The following CCDC191 variants were observed in gnomAD, a reference collection of about 807,000 sequenced individuals.
CCDC191 encodes coiled-coil domain-containing protein 191.
Under a neutral mutation model 114.0 loss-of-function variants are expected in CCDC191, and 99 were observed. The ratio of observed to expected loss-of-function variants is 0.87; its 90% confidence interval spans 0.74 to 1.03. The LOEUF (loss-of-function observed/expected upper bound fraction) is 1.03. Ranked by LOEUF, CCDC191 falls within the 50% of genes least tolerant of loss-of-function variation. CCDC191 has a pLI of 0.00. For missense variants in CCDC191, 973 were observed against 1,087.0 expected (o/e 0.90, Z 1.47); for synonymous variants, 351 against 376.0 (o/e 0.93, Z 0.77).
intron 9 of CCDC191, among the ~76,000 whole-genome samples, chr3:114,010,071 G>A (rs2076042835): frequency 1.3e-5 from 2 of 152,124 alleles, no homozygotes; most frequent in South Asian, 4.1e-4. Context: ...AGAAGTGTAT[G>A]TAATGACAGA....
chr3:114,051,758 A>G (rs749942114), intron 2 of CCDC191, among the ~76,000 whole-genome samples: 3 of 152,164 alleles, frequency 2.0e-5, no homozygotes, highest in African/African-American at 7.2e-5. Context: ...GGTCCACTCA[A>G]GTGGACTTTG....
At chr3:114,050,787 T>G (rs1054497529) in intron 2 of CCDC191, among the ~76,000 whole-genome samples, 27 of 152,224 alleles carry the variant, frequency 1.8e-4, no homozygotes, top group Non-Finnish European at 2.9e-5. Context: ...TGATGGCACA[T>G]AGAATAACTG....
At chr3:113,966,820 TG>T (rs1409174550) in intron 16 of CCDC191, among the ~76,000 whole-genome samples, 1 of 152,024 alleles carries the variant, frequency 6.6e-6, no homozygotes, top group Non-Finnish European at 1.5e-5. Context: ...AAGGCATGGC[TG>T]GGTGCGGTGG....
intron 13 of CCDC191, chr3:113,983,998 G>A (rs2075266804): frequency 6.6e-6 from 1 of 152,170 alleles, no homozygotes; most frequent in African/African-American, 2.4e-5. Flanking sequence ...TTCTGGCAGG[G>A]TCATGGGGAC....
intron 2 of CCDC191, among the ~76,000 whole-genome samples, chr3:114,047,745 C>A (rs538188864): frequency 2.0e-5 from 3 of 151,878 alleles, no homozygotes; most frequent in South Asian, 4.2e-4. Context: ...GAGGCCGAGG[C>A]GGGTGGATCA....
chr3:113,984,520 A>C (rs1381388760), intron 13 of CCDC191: 1 of 152,232 alleles, frequency 6.6e-6, no homozygotes, highest in African/African-American at 2.4e-5. Context: ...TTGATGGGTA[A>C]AAAGGAATAA....
intron 2 of CCDC191, among the ~76,000 whole-genome samples, chr3:114,050,737 AGG>A (rs1293138419): frequency 6.6e-6 from 1 of 152,216 alleles, no homozygotes; most frequent in African/African-American, 2.4e-5. Context: ...TGACTGCTAG[AGG>A]GTTGTCAATA....
At chr3:113,966,193 C>A (rs1457425022) in intron 16 of CCDC191, among the ~76,000 whole-genome samples, 1 of 152,138 alleles carries the variant, frequency 6.6e-6, no homozygotes, top group African/African-American at 2.4e-5. Context: ...CCAACAGCAG[C>A]AATAACAACA....
chr3:114,019,844 C>A (rs2076219223), intron 7 of CCDC191, among the ~76,000 whole-genome samples: 1 of 152,114 alleles, frequency 6.6e-6, no homozygotes, highest in South Asian at 2.1e-4. Flanking sequence ...ATCCCTCTAC[C>A]CAAATGTAAC....
chr3:114,036,736 AT>A lies in CCDC191; in HGVS notation c.465del (p.Lys155AsnfsTer3). On this transcript the variant is annotated frameshift_variant, in exon 5 of 17. Coordinates refer to ENST00000295878, the MANE Select transcript of CCDC191 (RefSeq NM_020817.2). LOFTEE classifies it high-confidence loss of function. ...TTTTTATGGAGCAGATGGTCTATAA[AT>A]TTTTGAACGGTGGTACTTTCCTCTT... The part of the protein sequence containing the change: ...EEEEESTTVQ[K>X]FIDHLLHKNV... The A allele has an allele frequency of 6.3e-7, 1 of 1,592,128 alleles. No homozygotes were observed. The highest frequency in any genetic ancestry group is 1.1e-5 in the South Asian group (1 of 87,828).
chr3:114,035,028 C>T lies in CCDC191; in HGVS notation c.715G>A (p.Ala239Thr). ...CLVQEEKKRKALEAKKEEEEI... is the reference protein window; with the variant it reads ...CLVQEEKKRKTLEAKKEEEEI... ...TCTTCCTCTTTCTTGGCCTCCAGAG[C>T]CTTCCTTTTCTTCTCTTCTTGCACC... Residue 239 changes from alanine to threonine, a missense_variant, in exon 6 of 17, where the codon GCT (alanine) becomes ACT (threonine). Transcript: ENST00000295878. 1.2e-6 allele frequency: 2 copies of T among 1,614,052 alleles called. No individual in the cohort carries two copies. The highest frequency in any genetic ancestry group is 2.2e-5 in the South Asian group (2 of 91,080).
At chr3:114,000,265 AAGG>A (rs1228119418) in intron 13 of CCDC191, among the ~76,000 whole-genome samples, 1 of 152,238 alleles carries the variant, frequency 6.6e-6, no homozygotes, top group Non-Finnish European at 1.5e-5. Context: ...AACTTTCAAA[AAGG>A]AGGAGGAAGG....
intron 7 of CCDC191, among the ~76,000 whole-genome samples, chr3:114,020,561 T>C (rs2076228620): frequency 6.6e-6 from 1 of 152,132 alleles, no homozygotes. Context: ...GAATACTGGA[T>C]ACTCTTTCAG....
chr3:114,002,447 A>G lies in CCDC191; in HGVS notation c.2061+9T>C. The stretch of plus-strand genomic sequence containing the variant: ...TTTTTTGACTCAGTTTGCATTTTGA[A>G]TCTATTACCAATTTTTCTTCTTCTT... On this transcript the variant is annotated intron_variant, in intron 12 of 16. Transcript: ENST00000295878. 1 of 1,590,592 alleles carries G rather than the reference A, an allele frequency of 6.3e-7. No homozygotes were observed. Among genetic ancestry groups the G allele is most frequent in the Non-Finnish European group, 8.6e-7 (1 of 1,165,668 alleles).
chr3:114,001,780 C>G, intron 12 of CCDC191, 84 bp from the exon 13 acceptor site: 1 of 1,517,096 alleles, frequency 6.6e-7, no homozygotes. Context: ...AGTCAAGCGT[C>G]TACCAAAGTG....
chr3:114,000,751 A>G (rs2075840735), intron 13 of CCDC191, among the ~76,000 whole-genome samples: 1 of 151,998 alleles, frequency 6.6e-6, no homozygotes, highest in Admixed American at 6.6e-5. Flanking sequence ...CCTGGGCTCA[A>G]GGATTCCTCC....
chr3:114,005,189 C>G (rs1406567786), intron 10 of CCDC191, among the ~76,000 whole-genome samples: 1 of 152,228 alleles, frequency 6.6e-6, no homozygotes, highest in Non-Finnish European at 1.5e-5. Context: ...TGTTGTCTGA[C>G]TTGGCTTCTC....
At chr3:114,001,872 A>C in intron 12 of CCDC191, 176 bp from the exon 13 acceptor site, 1 of 674,080 alleles carries the variant, frequency 1.5e-6, no homozygotes, top group Non-Finnish European at 2.4e-6. Context: ...ACGTAACTTA[A>C]AAGTTTCTCC....
At chr3:113,973,794 C>T (rs566959577) in intron 16 of CCDC191, among the ~76,000 whole-genome samples, 8 of 152,026 alleles carry the variant, frequency 5.3e-5, no homozygotes, top group African/African-American at 1.9e-4. Flanking sequence ...TGTTTGGTTT[C>T]TCTGACTTTC....
Sources: gnomAD v4.1 joint callset for allele counts (sites outside exome capture counted in the v4.1 genomes callset) on GRCh38, gnomAD v4.1.1 for gene constraint, MANE v1.5 for transcripts, NCBI Gene and HGNC (gene_info 2026-07-23, HGNC 2026-07-21) for gene names.